MRPS6: variants seen among roughly 807,000 people sequenced by gnomAD.
MRPS6 encodes the protein mitochondrial ribosomal protein S6.
MRPS6 carries 6 observed loss-of-function variants against 13.1 expected under a neutral mutation model. The ratio of observed to expected loss-of-function variants is 0.46; its 90% confidence interval spans 0.25 to 0.91. The LOEUF (loss-of-function observed/expected upper bound fraction) is 0.91, where lower values mean the gene tolerates loss of function less well. Ranked by LOEUF, MRPS6 falls within the 40% of genes least tolerant of loss-of-function variation. The probability of loss-of-function intolerance (pLI) is 0.18; values close to 1 mark genes in which losing one functional copy is unlikely to be tolerated. For synonymous variants in MRPS6, 61 were observed against 56.5 expected (o/e 1.08, Z -0.36); for missense variants, 164 against 155.6 (o/e 1.05, Z -0.29).
chr21:34,104,910 T>C, intron 1 of MRPS6: 2 of 1,000,216 alleles, frequency 2.0e-6, no homozygotes, highest in South Asian at 9.4e-5. Flanking sequence ...ATGCCTTTCA[T>C]CTATAATTTC....
At chr21:34,089,264 C>T (rs186573482) in intron 1 of MRPS6, among the ~76,000 whole-genome samples, 9 of 152,062 alleles carry the variant, frequency 5.9e-5, no homozygotes, top group Admixed American at 2.0e-4. Flanking sequence ...GTGATCCACC[C>T]GCCTTGGCCT....
intron 1 of MRPS6, among the ~76,000 whole-genome samples, chr21:34,117,034 C>T (rs1481514564): frequency 1.3e-5 from 2 of 152,150 alleles, no homozygotes; most frequent in East Asian, 1.9e-4. Context: ...CTGACTGATT[C>T]CCCACACTAG....
At chr21:34,097,452 C>T (rs1979019704) in intron 1 of MRPS6, 5 of 1,474,572 alleles carry the variant, frequency 3.4e-6, no homozygotes, top group South Asian at 1.6e-5. Context: ...ATTGTTTACG[C>T]TGTAGGTTTT....
At chr21:34,099,898 A>C (rs748779757) in intron 1 of MRPS6, 3 of 347,510 alleles carry the variant, frequency 8.6e-6, no homozygotes, top group African/African-American at 2.2e-5. Flanking sequence ...GTGCTCGAGT[A>C]AGTTTGTGAA....
intron 1 of MRPS6, chr21:34,103,776 T>TGA (rs1316473823): frequency 1.0e-6 from 1 of 1,000,008 alleles, no homozygotes; most frequent in East Asian, 1.1e-4. Flanking sequence ...ATAATCTCAA[T>TGA]AAGTTTGTAC....
At chr21:34,132,477 C>T (rs1042217700) in intron 2 of MRPS6, among the ~76,000 whole-genome samples, 4 of 152,160 alleles carry the variant, frequency 2.6e-5, no homozygotes, top group African/African-American at 7.2e-5. Flanking sequence ...GGCAGGAAGT[C>T]AGAGCAGTTA....
At chr21:34,090,160 C>T (rs770582889) in intron 1 of MRPS6, among the ~76,000 whole-genome samples, 7 of 152,224 alleles carry the variant, frequency 4.6e-5, no homozygotes, top group Non-Finnish European at 1.0e-4. Flanking sequence ...TTTAGCTCCA[C>T]TTACAATTTA....
intron 1 of MRPS6, 157 bp from the exon 2 acceptor site, chr21:34,125,184 T>C: frequency 8.9e-7 from 1 of 1,119,458 alleles, no homozygotes; most frequent in Non-Finnish European, 1.2e-6. Context: ...CTCTCTCTTT[T>C]ATTTTAAGTT....
At chr21:34,086,496 G>T (rs1203199975) in intron 1 of MRPS6, among the ~76,000 whole-genome samples, 1 of 144,640 alleles carries the variant, frequency 6.9e-6, no homozygotes, top group Non-Finnish European at 1.5e-5. Flanking sequence ...TATCTGACTT[G>T]TGTTTATTTC....
intron 1 of MRPS6, among the ~76,000 whole-genome samples, chr21:34,108,548 G>T (rs117977758): frequency 2.2e-4 from 33 of 152,300 alleles, no homozygotes; most frequent in Non-Finnish European, 4.0e-4. Flanking sequence ...GATGCCTCCA[G>T]TTCTAAACCA....
At chr21:34,108,984 A>G (rs1369271134) in intron 1 of MRPS6, among the ~76,000 whole-genome samples, 2 of 152,124 alleles carry the variant, frequency 1.3e-5, no homozygotes, top group Admixed American at 6.5e-5. Flanking sequence ...GGACTGGTAC[A>G]CTTGGTTTCA....
At chr21:34,073,962 G>T (rs1411964031) in intron 1 of MRPS6, among the ~76,000 whole-genome samples, 15 of 146,132 alleles carry the variant, frequency 1.0e-4, no homozygotes, top group East Asian at 4.0e-4. Flanking sequence ...GGGTGTGCCT[G>T]CGCGTGTGCG....
intron 1 of MRPS6, chr21:34,095,451 A>G: frequency 6.2e-7 from 1 of 1,614,104 alleles, no homozygotes; most frequent in Non-Finnish European, 8.5e-7. Flanking sequence ...ATGGGAATTC[A>G]ATGCCTTACT....
chr21:34,106,155 A>G (rs1369210976), intron 1 of MRPS6: 1 of 992,574 alleles, frequency 1.0e-6, no homozygotes, highest in East Asian at 1.1e-4. Context: ...ATTTCTTGCA[A>G]AGTACATTCC....
At chr21:34,079,790 C>A (rs538820815) in intron 1 of MRPS6, among the ~76,000 whole-genome samples, 11 of 151,864 alleles carry the variant, frequency 7.2e-5, no homozygotes, top group African/African-American at 2.7e-4. Context: ...CCTTTTTTAA[C>A]AAGCTGACAA....
Position 34,142,586 on chromosome 21 carries a change from A to G in MRPS6, c.364A>G (p.Lys122Glu). 6.2e-7 allele frequency: 1 copy of G among 1,602,786 alleles called. No homozygotes were observed. The highest frequency in any genetic ancestry group is 8.5e-7 in the Non-Finnish European group (1 of 1,176,428). The change falls in exon 3 of 3, where the codon AAG becomes GAG. Residue 122 changes from lysine (K) to glutamate (E), a missense_variant. Coordinates refer to ENST00000399312, the MANE Select transcript of MRPS6 (RefSeq NM_032476.4). ...CGCAGAAAAATTATATTCCACAAAG[A>G]AGAGGAAGAAGTGAGAAGATTCGCC... ...PLAEKLYSTK[K>E]RKK
chr21:34,076,527 A>G (rs1989335652), intron 1 of MRPS6, among the ~76,000 whole-genome samples: 1 of 152,204 alleles, frequency 6.6e-6, no homozygotes, highest in Non-Finnish European at 1.5e-5. Context: ...GTTGATTATG[A>G]GTATCTACTT....
At chr21:34,101,143 A>C (rs1165569666) in intron 1 of MRPS6, 1 of 1,000,052 alleles carries the variant, frequency 1.0e-6, no homozygotes, top group African/African-American at 1.7e-5. Flanking sequence ...AAAAATGATT[A>C]AGTGAGATAA....
chr21:34,103,422 G>GT, intron 1 of MRPS6: 1 of 997,244 alleles, frequency 1.0e-6, no homozygotes, highest in African/African-American at 1.8e-5. Context: ...CCTAAATGTT[G>GT]TTTCTTTTAT....
Sources: allele counts gnomAD v4.1 joint callset (sites outside exome capture counted in the v4.1 genomes callset), GRCh38; gene constraint gnomAD v4.1.1; transcripts MANE v1.5; gene names NCBI Gene and HGNC (gene_info 2026-07-23, HGNC 2026-07-21).